Variants in MTMR12 observed in about 807,000 individuals in gnomAD.
MTMR12 encodes myotubularin related protein 12.
A neutral mutation model predicts 96.7 loss-of-function variants in MTMR12; 33 were observed. The ratio of observed to expected loss-of-function variants is 0.34; its 90% CI spans 0.26 to 0.46. The LOEUF is 0.46. Ranked by LOEUF, MTMR12 falls within the 20% of genes least tolerant of loss-of-function variation. MTMR12 has a pLI of 1.00. For missense variants in MTMR12, 721 were observed against 896.1 expected (o/e 0.80, Z 2.49); for synonymous variants, 298 against 327.2 (o/e 0.91, Z 0.96).
At chr5:32,268,858 G>C in intron 5 of MTMR12, 64 bp from the exon 6 acceptor site, 1 of 1,341,004 alleles carries the variant, frequency 7.5e-7, no homozygotes, top group Non-Finnish European at 1.1e-6. Context: ...ACAAAGACAA[G>C]AGTCAAGGTG....
At chr5:32,292,175 G>A (rs901037290) in intron 1 of MTMR12, among the ~76,000 whole-genome samples, 12 of 152,344 alleles carry the variant, frequency 7.9e-5, no homozygotes, top group Admixed American at 2.6e-4. Context: ...TACAATGCCA[G>A]CTAGGTGACA....
chr5:32,243,471 C>G, intron 11 of MTMR12, 50 bp downstream of exon 11: 1 of 1,332,684 alleles, frequency 7.5e-7, no homozygotes, highest in Non-Finnish European at 1.1e-6. Flanking sequence ...ATCTACTACC[C>G]TGAGTTATAC....
chr5:32,301,923 CA>C (rs1374872679), intron 1 of MTMR12, among the ~76,000 whole-genome samples: 6 of 151,998 alleles, frequency 3.9e-5, no homozygotes, highest in Admixed American at 6.6e-5. Context: ...AAAAAACAAA[CA>C]AAAAAACTCT....
chr5:32,276,614 C>T, intron 2 of MTMR12, 68 bp downstream of exon 2: 3 of 1,340,050 alleles, frequency 2.2e-6, no homozygotes, highest in Non-Finnish European at 3.2e-6. Flanking sequence ...TATAGCAAGG[C>T]TAGGGATGAT....
intron 1 of MTMR12, among the ~76,000 whole-genome samples, chr5:32,299,881 T>C (rs946879966): frequency 1.3e-5 from 2 of 152,162 alleles, no homozygotes; most frequent in African/African-American, 4.8e-5. Context: ...GCCTGCTTGC[T>C]ACATTATCCC....
At position 32,228,373 on chromosome 5, in the gene MTMR12, A is replaced by T. The variant is rs1004439593; in HGVS notation, c.*1405T>A. 6.6e-6 allele frequency: 1 copy of T among 151,918 alleles called. No homozygotes were observed. The highest frequency in any genetic ancestry group is 1.5e-5 in the Non-Finnish European group (1 of 67,990). 9.4% of individuals were successfully genotyped at this position (151,918 alleles called of 1,614,324 possible). ...ATTCAAATTGGGATCCATACTGAAG[A>T]GCAAATATATGTAAAAGGCGAACAT... On this transcript the variant is annotated 3_prime_UTR_variant, in exon 16 of 16. Transcript: ENST00000382142.
At chr5:32,276,236 C>T (rs1183934751) in intron 2 of MTMR12, among the ~76,000 whole-genome samples, 2 of 152,210 alleles carry the variant, frequency 1.3e-5, no homozygotes. Context: ...GCTGGTAAAC[C>T]CCAGCATCCC....
intron 6 of MTMR12, among the ~76,000 whole-genome samples, chr5:32,263,550 G>A (rs1042776367): frequency 6.6e-6 from 1 of 150,944 alleles, no homozygotes; most frequent in Non-Finnish European, 1.5e-5. Context: ...TGATTCTCCC[G>A]CCTTAGCCTC....
intron 1 of MTMR12, among the ~76,000 whole-genome samples, chr5:32,277,750 C>T (rs1279888052): frequency 6.6e-6 from 1 of 152,002 alleles, no homozygotes; most frequent in Non-Finnish European, 1.5e-5. Context: ...CAGCATGATC[C>T]CCTCTCCTTC....
At chr5:32,283,952 C>T (rs1272848732) in intron 1 of MTMR12, among the ~76,000 whole-genome samples, 1 of 152,148 alleles carries the variant, frequency 6.6e-6, no homozygotes, top group Non-Finnish European at 1.5e-5. Context: ...AGGAAAGGCT[C>T]TAACCATGAA....
At chr5:32,288,983 T>C (rs1030541152) in intron 1 of MTMR12, among the ~76,000 whole-genome samples, 3 of 152,216 alleles carry the variant, frequency 2.0e-5, no homozygotes, top group Non-Finnish European at 4.4e-5. Context: ...AAGAGCCCTG[T>C]AATTGCTTGT....
rs559883667 is a variant in MTMR12, at chr5:32,310,989, T to C, written c.81+1769A>G. ...CCTGGGTTCAAGCGATTCTCCTGCC[T>C]CAGCCTCCCAAGTAGCTGGGATTAC... On this transcript the variant is annotated intron_variant, in intron 1 of 15. Coordinates refer to ENST00000382142, the MANE Select transcript of MTMR12 (RefSeq NM_001040446.3). Among the ~76,000 whole-genome samples, 16 of 152,050 alleles carry C rather than the reference T, an allele frequency of 1.1e-4. No homozygotes were observed. The East Asian group carries it at 3.1e-3, about 29-fold the overall frequency.
intron 1 of MTMR12, among the ~76,000 whole-genome samples, chr5:32,279,076 CAAAAAAAAAAAAAAAAAAAAAAAAAA>C (rs35999870): frequency 2.0e-5 from 1 of 50,518 alleles, no homozygotes. Flanking sequence ...AACTCTGTCT[CAAAAAAAAAAAAAAAAAAAAAAAAAA>C]AAAAAAAAAA....
chr5:32,277,220 A>G (rs1750090421), intron 1 of MTMR12, among the ~76,000 whole-genome samples: 1 of 152,138 alleles, frequency 6.6e-6, no homozygotes, highest in African/African-American at 2.4e-5. Flanking sequence ...GAAGTGTTCT[A>G]ACTAAAGGAA....
At chr5:32,306,255 C>T (rs769079197) in intron 1 of MTMR12, among the ~76,000 whole-genome samples, 53 of 152,094 alleles carry the variant, frequency 3.5e-4, no homozygotes, top group Non-Finnish European at 6.2e-4. Flanking sequence ...AGGTACTCAA[C>T]TTCTGAGTCT....
rs894390551 is a variant in MTMR12, at chr5:32,227,369, G to A, written c.*2409C>T. 3.3e-5 allele frequency: 5 copies of A among 152,460 alleles called. No homozygotes were observed. Among genetic ancestry groups the A allele is most frequent in the African/African-American group, 1.2e-4 (5 of 41,388 alleles). The allele number at this position is 152,460 out of a possible 1,614,324, so 9.4% of individuals were successfully genotyped here. A position where few individuals can be genotyped will look rare whatever the true frequency, so the allele number is the denominator to read the frequency against. The stretch of plus-strand genomic sequence containing the variant: ...AATATATAAATCCATTGAGAATTCT[G>A]TACACAAATACGAGTTATAGAAATC... On this transcript the variant is annotated 3_prime_UTR_variant, in exon 16 of 16. Coordinates refer to ENST00000382142, the MANE Select transcript of MTMR12 (RefSeq NM_001040446.3).
At chr5:32,297,635 T>G (rs2112146984) in intron 1 of MTMR12, among the ~76,000 whole-genome samples, 1 of 152,222 alleles carries the variant, frequency 6.6e-6, no homozygotes, top group South Asian at 2.1e-4. Flanking sequence ...CAGCTCATCA[T>G]TTCTTGAAGT....
chr5:32,278,392 T>TC (rs1750141069), intron 1 of MTMR12, among the ~76,000 whole-genome samples: 1 of 152,162 alleles, frequency 6.6e-6, no homozygotes, highest in Admixed American at 6.5e-5. Context: ...TTTTTTTTTT[T>TC]CTTTGGTAGA....
intron 1 of MTMR12, among the ~76,000 whole-genome samples, chr5:32,304,779 AG>A (rs1321486895): frequency 1.3e-5 from 2 of 152,214 alleles, no homozygotes; most frequent in East Asian, 1.9e-4. Context: ...ATCAGGCTGC[AG>A]GAAGTGCTGC....
Sources: allele counts gnomAD v4.1 joint callset (sites outside exome capture counted in the v4.1 genomes callset), GRCh38; gene constraint gnomAD v4.1.1; transcripts MANE v1.5; gene names NCBI Gene and HGNC (gene_info 2026-07-23, HGNC 2026-07-21).